DDX11: variants seen among roughly 807,000 people sequenced by gnomAD.
The protein encoded by DDX11 is ATP-dependent DNA helicase DDX11.
A neutral mutation model predicts 125.2 loss-of-function variants in DDX11; 72 were observed. That is an observed-to-expected ratio of 0.58 (90% CI 0.48 to 0.70). The LOEUF (loss-of-function observed/expected upper bound fraction) is 0.70, where lower values mean the gene tolerates loss of function less well. Among genes scored for constraint, DDX11 ranks in the 30% least tolerant of loss-of-function variants. The pLI is 0.00. For synonymous variants in DDX11, 347 were observed against 452.6 expected, an observed-to-expected ratio of 0.77 and a Z score of 2.96; for missense variants, 883 against 1,165.0, an observed-to-expected ratio of 0.76 and a Z score of 3.52.
chr12:31,103,409 C>T lies in DDX11; in HGVS notation c.2536+14C>T, dbSNP rs1379327620. 3.7e-6 allele frequency: 6 copies of T among 1,603,250 alleles called. No individual in the cohort carries two copies. Among genetic ancestry groups the T allele is most frequent in the South Asian group, 1.1e-5 (1 of 89,340 alleles). On this transcript the variant is annotated intron_variant, in intron 25 of 26. Transcript: ENST00000542838. ...ACCAGTCCATAGGTGAGCCTGGCTG[C>T]CTCCAGCTGGGTGGACAGATGGGGG...
intron 2 of DDX11, among the ~76,000 whole-genome samples, chr12:31,079,238 GT>G (rs1436409258): frequency 6.6e-6 from 1 of 151,398 alleles, no homozygotes; most frequent in African/African-American, 2.4e-5. Flanking sequence ...CCCTTTTAAA[GT>G]TAGTTTAGTT....
chr12:31,092,666 C>G (rs1475946312), intron 10 of DDX11, among the ~76,000 whole-genome samples, 180 bp from the exon 11 acceptor site: 2 of 152,212 alleles, frequency 1.3e-5, no homozygotes, highest in African/African-American at 2.4e-5. Context: ...TCCCTTTTCT[C>G]TTAGCTCCCA....
chr12:31,103,429 T>C, intron 25 of DDX11, 34 bp downstream of exon 25: 1 of 1,603,126 alleles, frequency 6.2e-7, no homozygotes, highest in Non-Finnish European at 8.5e-7. Flanking sequence ...GGTGGACAGA[T>C]GGGGGCTGGA....
At chr12:31,086,113 T>A (rs566282987) in intron 5 of DDX11, 1 of 454,344 alleles carries the variant, frequency 2.2e-6, no homozygotes, top group Admixed American at 2.3e-5. Context: ...CAGGCCTTCC[T>A]CTGTCCTGTC....
At chr12:31,096,177 G>A (rs925618352) in intron 14 of DDX11, among the ~76,000 whole-genome samples, 164 bp from the exon 15 acceptor site, 3 of 151,658 alleles carry the variant, frequency 2.0e-5, no homozygotes, top group Non-Finnish European at 2.9e-5. Context: ...GGGTGGCCTC[G>A]GAGAGGAGAT....
intron 20 of DDX11, 172 bp downstream of exon 20, chr12:31,101,302 G>A: frequency 3.0e-6 from 2 of 663,294 alleles, no homozygotes; most frequent in Non-Finnish European, 5.5e-6. Flanking sequence ...GCTTATGGAG[G>A]AAGGTCTGAG....
chr12:31,103,361 G>T lies in DDX11; in HGVS notation c.2502G>T (p.Glu834Asp), dbSNP rs1946739369. The change falls in exon 25 of 27, where the codon GAG becomes GAT. Residue 834 changes from glutamate (E) to aspartate (D), a missense_variant. By Grantham distance (45) the Glu-to-Asp change is conservative. This residue lies in a region of DDX11 where 285 missense variants were observed against 346.0 expected (regional missense o/e 0.82). Coordinates refer to ENST00000542838, the MANE Select transcript of DDX11 (RefSeq NM_030653.4). ...CACCCCCAGGGAAGGCTCTGGTGGAGAACCTGTGCATGAAGGCCGTCAACC... is the reference window on the plus strand; with the variant it reads ...CACCCCCAGGGAAGGCTCTGGTGGATAACCTGTGCATGAAGGCCGTCAACC... ...GQAPPGKALV[E>D]NLCMKAVNQS... is the part of the protein sequence containing the mutation. 6.2e-7 allele frequency: 1 copy of T among 1,610,788 alleles called. No individual in the cohort carries two copies. The highest frequency in any genetic ancestry group is 8.5e-7 in the Non-Finnish European group (1 of 1,179,472).
At chr12:31,091,159 G>A (rs986546326) in intron 9 of DDX11, 11 of 152,280 alleles carry the variant, frequency 7.2e-5, no homozygotes, top group African/African-American at 1.9e-4. Context: ...TTTTATATGA[G>A]TATTCCTTTA....
chr12:31,102,136 G>A lies in DDX11; in HGVS notation c.2203-107G>A. 2.3e-6 allele frequency: 3 copies of A among 1,297,222 alleles called. No homozygotes were observed. The South Asian group carries it at 3.8e-5, about 16-fold the overall frequency. 80.4% of individuals were successfully genotyped at this position (1,297,222 alleles called of 1,614,324 possible). A position where few individuals can be genotyped will look rare whatever the true frequency, so the allele number is the denominator to read the frequency against. On this transcript the variant is annotated intron_variant, in intron 21 of 26. Transcript: ENST00000542838. ...ACAGAGGATTTCCCCCAAAGTCCCTGGCTGTGAGGTTCTCCAGTCCCCTGG... is the reference window on the plus strand; with the variant it reads ...ACAGAGGATTTCCCCCAAAGTCCCTAGCTGTGAGGTTCTCCAGTCCCCTGG...
At chr12:31,090,518 C>T (rs1339404165) in intron 9 of DDX11, among the ~76,000 whole-genome samples, 1 of 151,740 alleles carries the variant, frequency 6.6e-6, no homozygotes, top group African/African-American at 2.4e-5. Flanking sequence ...AATATCAGTA[C>T]TCTTAACTGG....
chr12:31,084,158 C>G, intron 3 of DDX11, 97 bp downstream of exon 3: 1 of 1,514,054 alleles, frequency 6.6e-7, no homozygotes, highest in Non-Finnish European at 9.2e-7. Flanking sequence ...TGCATGCTCC[C>G]CTGCCGTTGC....
rs553399358 is a variant in DDX11 at position 31,084,687 on chromosome 12, G to T, written c.480+18G>T. ...AGCGCCTGGTGAGCCTCATTTCTTG[G>T]GGGGCAGGATTATGTCCAGGCAGGG... is the stretch of plus-strand genomic sequence containing the variant. On this transcript the variant is annotated intron_variant, in intron 4 of 26. Transcript: ENST00000542838. The T allele has an allele frequency of 1.3e-6, 2 of 1,570,388 alleles. No individual in the cohort carries two copies. The highest frequency in any genetic ancestry group is 1.4e-5 in the African/African-American group (1 of 73,880).
intron 10 of DDX11, 38 bp from the exon 11 acceptor site, chr12:31,092,808 G>C: frequency 2.5e-6 from 4 of 1,603,278 alleles, no homozygotes; most frequent in Non-Finnish European, 2.6e-6. Context: ...TTAGCCCTCA[G>C]CTGCTTGCTC....
intron 24 of DDX11, 94 bp downstream of exon 24, chr12:31,103,114 G>A (rs2543286): frequency 3.4e-5 from 51 of 1,482,420 alleles, no homozygotes; most frequent in Middle Eastern, 2.0e-4. Flanking sequence ...GGCCTTCCCC[G>A]CTGCGCTGGC....
Position 31,092,866 on chromosome 12 carries a change from G to A in DDX11, c.1263G>A (p.Gln421=). 1 of 1,614,004 alleles carries A rather than the reference G, an allele frequency of 6.2e-7. No homozygotes were observed. The highest frequency in any genetic ancestry group is 8.5e-7 in the Non-Finnish European group (1 of 1,179,878). ...SGSQLCQAHS[Q]LLQYVERYGK... ...CCCAGCTCTGCCAGGCCCATTCCCA[G>A]CTGCTGCAGTACGTGGAGCGATACG... is the stretch of plus-strand genomic sequence containing the variant. Residue 421 remains glutamine, a synonymous_variant, in exon 11 of 27, where the codon CAG becomes CAA. Coordinates refer to ENST00000542838, the MANE Select transcript of DDX11 (RefSeq NM_030653.4).
chr12:31,081,450 TA>T (rs1226342276), intron 2 of DDX11, among the ~76,000 whole-genome samples: 2 of 152,140 alleles, frequency 1.3e-5, no homozygotes, highest in African/African-American at 2.4e-5. Flanking sequence ...TTAAGCCTTA[TA>T]CAGGTCTATC....
chr12:31,101,059 C>T lies in DDX11; in HGVS notation c.1981C>T (p.Leu661Phe). The T allele has an allele frequency of 1.2e-6, 2 of 1,614,192 alleles. No homozygotes were observed. Among genetic ancestry groups the T allele is most frequent in the Non-Finnish European group, 1.7e-6 (2 of 1,180,020 alleles). ...GATCCCTCCAGACAACATCCTGCCC[C>T]TCGTCATCTGCAGCGGGATCTCCAA... ...HVIPPDNILP[L>F]VICSGISNQP... is the part of the protein sequence containing the mutation. Residue 661 changes from leucine (L) to phenylalanine (F), a missense_variant, in exon 20 of 27, where the codon CTC becomes TTC. Transcript: ENST00000542838.
intron 2 of DDX11, among the ~76,000 whole-genome samples, chr12:31,082,441 G>T (rs1942134155): frequency 6.6e-6 from 1 of 151,830 alleles, no homozygotes. Context: ...GCAGGTGGGG[G>T]AGACAGCTGG....
chr12:31,093,101 G>T (rs1269649036), intron 11 of DDX11, 144 bp from the exon 12 acceptor site: 2 of 1,035,622 alleles, frequency 1.9e-6, no homozygotes, highest in African/African-American at 3.2e-5. Context: ...GAGGCCTGGG[G>T]CCGTGGCCAG....
Sources: allele counts gnomAD v4.1 joint callset (sites outside exome capture counted in the v4.1 genomes callset), GRCh38; gene constraint gnomAD v4.1.1; regional missense constraint gnomAD v4.1.1; transcripts MANE v1.5; gene names NCBI Gene and HGNC (gene_info 2026-07-23, HGNC 2026-07-21).